TBC1D32: variants seen among roughly 807,000 people sequenced by gnomAD.
The protein encoded by TBC1D32 is TBC1 domain family member 32, also known as protein broad-minded.
TBC1D32 carries 151 observed loss-of-function variants against 170.3 expected under a neutral mutation model. The ratio of observed to expected loss-of-function variants is 0.89; its 90% CI spans 0.78 to 1.01. The LOEUF is 1.01. Ranked by LOEUF, TBC1D32 falls within the 50% of genes least tolerant of loss-of-function variation. TBC1D32 has a pLI of 0.00. For missense variants in TBC1D32, 1,464 were observed against 1,457.1 expected, an observed-to-expected ratio of 1.00 and a Z score of -0.08; for synonymous variants, 498 against 488.0, an observed-to-expected ratio of 1.02 and a Z score of -0.27.
At chr6:121,108,271 G>T (rs1001318419) in intron 29 of TBC1D32, among the ~76,000 whole-genome samples, 7 of 151,974 alleles carry the variant, frequency 4.6e-5, no homozygotes, top group Admixed American at 3.3e-4. Context: ...AATATAATAC[G>T]AGGTCTTCTG....
intron 21 of TBC1D32, among the ~76,000 whole-genome samples, chr6:121,217,833 G>T (rs1434146003): frequency 1.3e-5 from 2 of 152,148 alleles, no homozygotes; most frequent in African/African-American, 4.8e-5. Flanking sequence ...AAGAAAACAA[G>T]ATCAAGGTGT....
chr6:121,249,731 A>G (rs1376605646), intron 17 of TBC1D32, among the ~76,000 whole-genome samples: 1 of 152,084 alleles, frequency 6.6e-6, no homozygotes, highest in East Asian at 1.9e-4. Context: ...TAAAAAACAA[A>G]AACAAAAACC....
In TBC1D32 at chr6:121,283,825, G is replaced by T; in HGVS notation, c.1458C>A (p.Ala486=). 11 of 1,602,678 alleles carry T rather than the reference G, an allele frequency of 6.9e-6. No homozygotes were observed. The highest frequency in any genetic ancestry group is 1.3e-5 in the African/African-American group (1 of 74,670). ...SPSCPKMTSA[A]HSENYSPASM... ...AAATAGAAACAGAATTACCTGAATGGGCAGCTGATGTCATCTTTGGACAAC... is the reference window on the plus strand; with the variant it reads ...AAATAGAAACAGAATTACCTGAATGTGCAGCTGATGTCATCTTTGGACAAC... Residue 486 remains alanine, a synonymous_variant, in exon 13 of 32, where the codon GCC becomes GCA. Transcript: ENST00000398212.
At chr6:121,301,032 A>G (rs554102223) in intron 9 of TBC1D32, among the ~76,000 whole-genome samples, 5 of 152,146 alleles carry the variant, frequency 3.3e-5, no homozygotes, top group East Asian at 3.9e-4. Context: ...TTAAAAGGTC[A>G]GGAAACAACG....
intron 25 of TBC1D32, among the ~76,000 whole-genome samples, chr6:121,126,903 C>A (rs1032200205): frequency 3.9e-5 from 6 of 152,074 alleles, no homozygotes; most frequent in Non-Finnish European, 8.8e-5. Context: ...TTGCAACTGA[C>A]GGTATCTATT....
At chr6:121,170,262 T>G (rs1768440078) in intron 22 of TBC1D32, 1 of 848,012 alleles carries the variant, frequency 1.2e-6, no homozygotes, top group Admixed American at 3.4e-5. Context: ...CATTTACACT[T>G]TAGCTGCTTT....
chr6:121,239,753 C>G (rs1222518545), intron 19 of TBC1D32, among the ~76,000 whole-genome samples: 4 of 152,006 alleles, frequency 2.6e-5, no homozygotes, highest in Non-Finnish European at 5.9e-5. Flanking sequence ...TCATACTATA[C>G]AACTAAACGA....
chr6:121,284,607 A>G (rs1277041928), intron 12 of TBC1D32, among the ~76,000 whole-genome samples: 2 of 152,302 alleles, frequency 1.3e-5, no homozygotes, highest in East Asian at 3.9e-4. Flanking sequence ...CTCTTGCTAT[A>G]GAGGCTTACA....
At chr6:121,126,612 T>C (rs1048637017) in intron 25 of TBC1D32, 151 bp from the exon 26 acceptor site, 1 of 497,994 alleles carries the variant, frequency 2.0e-6, no homozygotes, top group Non-Finnish European at 3.5e-6. Flanking sequence ...TGTTTTAGTA[T>C]TCATAACACT....
chr6:121,238,702 A>ATAGGG (rs1583342391), intron 20 of TBC1D32, among the ~76,000 whole-genome samples: 1 of 152,204 alleles, frequency 6.6e-6, no homozygotes, highest in East Asian at 1.9e-4. Context: ...GATTCAAGCT[A>ATAGGG]TAGGGCAAAA....
intron 15 of TBC1D32, among the ~76,000 whole-genome samples, chr6:121,259,583 T>A (rs970490561): frequency 6.6e-6 from 1 of 152,108 alleles, no homozygotes; most frequent in African/African-American, 2.4e-5. Flanking sequence ...GATTTTCCAG[T>A]AGGCAATAAA....
intron 17 of TBC1D32, among the ~76,000 whole-genome samples, chr6:121,245,436 G>A (rs1232621904): frequency 6.6e-6 from 1 of 152,130 alleles, no homozygotes; most frequent in South Asian, 2.1e-4. Flanking sequence ...AACACCCTGT[G>A]GGATGAAAGA....
chr6:121,273,010 G>GA (rs1009719041), intron 15 of TBC1D32, among the ~76,000 whole-genome samples: 11 of 151,596 alleles, frequency 7.3e-5, no homozygotes, highest in East Asian at 1.9e-4. Flanking sequence ...ATCACAAGGA[G>GA]AAAAAACCAA....
chr6:121,158,476 C>T (rs550297277), intron 24 of TBC1D32, among the ~76,000 whole-genome samples: 6 of 152,118 alleles, frequency 3.9e-5, no homozygotes, highest in Non-Finnish European at 8.8e-5. Flanking sequence ...TCTTCCTTAC[C>T]AGCCAGATTC....
chr6:121,281,829 T>G, intron 13 of TBC1D32, 143 bp from the exon 14 acceptor site: 1 of 556,600 alleles, frequency 1.8e-6, no homozygotes, highest in Admixed American at 4.1e-5. Flanking sequence ...CAAAGGAAGA[T>G]GTACTACCAA....
chr6:121,226,758 T>A (rs7749791), intron 20 of TBC1D32, among the ~76,000 whole-genome samples: 146,451 of 152,228 alleles, frequency 0.96, 70,705 homozygotes, highest in East Asian at 1. Context: ...AGTAGTATGG[T>A]CACGAAGGGG....
intron 3 of TBC1D32, among the ~76,000 whole-genome samples, chr6:121,315,567 T>C (rs1808810051): frequency 6.6e-6 from 1 of 152,174 alleles, no homozygotes; most frequent in South Asian, 2.1e-4. Context: ...GCCCATTCTA[T>C]TCACAAAATG....
intron 21 of TBC1D32, among the ~76,000 whole-genome samples, chr6:121,217,147 G>A (rs889501849): frequency 6.6e-6 from 1 of 152,192 alleles, no homozygotes; most frequent in Non-Finnish European, 1.5e-5. Context: ...ACCAAGTGGT[G>A]ACTCAAACTG....
Position 121,110,250 on chromosome 6 carries a change from C to CA in TBC1D32, c.3324+2254dup, listed in dbSNP as rs1255958377. 5.9e-4 allele frequency among the ~76,000 whole-genome samples: 67 copies of CA among 113,908 alleles called. 2 individuals are homozygous for CA. The highest frequency in any genetic ancestry group is 2.5e-3 in the Admixed American group (27 of 10,982). 74.7% of individuals were successfully genotyped at this position (113,908 alleles called of 152,430 possible). A position where few individuals can be genotyped will look rare whatever the true frequency, so the allele number is the denominator to read the frequency against. On this transcript the variant is annotated intron_variant, in intron 29 of 31. Coordinates refer to ENST00000398212, the MANE Select transcript of TBC1D32 (RefSeq NM_152730.6). The stretch of plus-strand genomic sequence containing the variant: ...TGGGCGACAGAGTGAGACTCTGTCT[C>CA]AAAAAAAAAAAAATTTTATATATAT...
Sources: allele counts gnomAD v4.1 joint callset (sites outside exome capture counted in the v4.1 genomes callset), GRCh38; gene constraint gnomAD v4.1.1; transcripts MANE v1.5; gene names NCBI Gene and HGNC (gene_info 2026-07-23, HGNC 2026-07-21).